Variants in PLD4 observed in about 807,000 individuals in gnomAD.
PLD4 encodes the protein 5'-3' exonuclease PLD4.
PLD4 carries 54 observed loss-of-function variants against 52.3 expected under a neutral mutation model. The ratio of observed to expected loss-of-function variants is 1.03; its 90% CI spans 0.83 to 1.30. PLD4 has a LOEUF of 1.30. Ranked by LOEUF, PLD4 falls within the 50% of genes most tolerant of loss-of-function variation. PLD4 has a pLI of 0.00. For missense variants in PLD4, 731 were observed against 671.1 expected, an observed-to-expected ratio of 1.09 and a Z score of -0.99; for synonymous variants, 264 against 286.5, an observed-to-expected ratio of 0.92 and a Z score of 0.79.
downstream of PLD4, chr14:104,933,282 T>G (rs1897721423): frequency 3.0e-5 from 8 of 269,966 alleles, no homozygotes; most frequent in East Asian, 6.4e-5. Context: ...TTCATCCTCT[T>G]GCCAAGGGCC....
rs1401920409 is a variant in PLD4 at position 104,927,206 on chromosome 14, C to T, written c.66C>T (p.Arg22=). Residue 22 remains arginine, a synonymous_variant, in exon 2 of 11, where the codon CGC becomes CGT. Transcript: ENST00000392593. ...PTWPCSMPPR[R]PWDREAGTLQ... ...GGCCATGCTCCATGCCGCCCCGCCG[C>T]CCGTGGGACAGAGAGGCTGGCACGG... 1.3e-6 allele frequency: 2 copies of T among 1,557,874 alleles called. No homozygotes were observed. Among genetic ancestry groups the T allele is most frequent in the African/African-American group, 2.7e-5 (2 of 73,468 alleles).
intron 3 of PLD4, 142 bp from the exon 4 acceptor site, chr14:104,928,607 A>T (rs1897533548): frequency 1.2e-6 from 1 of 805,204 alleles, no homozygotes; most frequent in Non-Finnish European, 1.9e-6. Context: ...TTAAACCCTT[A>T]CCCTGCACAC....
At chr14:104,934,369 C>T (rs946205815), downstream of PLD4, 4 of 152,182 alleles carry the variant, frequency 2.6e-5, no homozygotes, top group Non-Finnish European at 5.9e-5. Context: ...TGGGAGCCAC[C>T]TGGGCACCTG....
In PLD4 at chr14:104,927,185, A is replaced by G; in HGVS notation, c.45A>G (p.Pro15=). ...AAGCAGCAGTGGCCCCCACATGGCCATGCTCCATGCCGCCCCGCCGCCCGT... is the reference window on the plus strand; with the variant it reads ...AAGCAGCAGTGGCCCCCACATGGCCGTGCTCCATGCCGCCCCGCCGCCCGT... ...LWKAAVAPTW[P]CSMPPRRPWD... Residue 15 remains proline, a synonymous_variant, in exon 2 of 11, where the codon CCA becomes CCG. Transcript: ENST00000392593. 1 of 1,562,690 alleles carries G rather than the reference A, an allele frequency of 6.4e-7. No homozygotes were observed.
rs765388718 is a variant in PLD4, at chr14:104,932,202, G to A, written c.1224+25G>A. On this transcript the variant is annotated intron_variant, in intron 9 of 10. Transcript: ENST00000392593. The surrounding 1 kb of genome is among the most constrained non-coding windows in gnomAD (Gnocchi z 6.5). ...GGTGAGGGCGTGCTCCCGGCCGGGC[G>A]TGGGAAAGGCGGCCCTCCTGCCGCC... 1.2e-6 allele frequency: 2 copies of A among 1,611,976 alleles called. No homozygotes were observed. The highest frequency in any genetic ancestry group is 1.3e-5 in the African/African-American group (1 of 74,918).
At chr14:104,927,115 T>C in intron 1 of PLD4, 26 bp from the exon 2 acceptor site, 1 of 1,526,650 alleles carries the variant, frequency 6.6e-7, no homozygotes. Flanking sequence ...CTGGAGCTGC[T>C]GGTGATGCCA....
Position 104,933,019 on chromosome 14 carries a change from C to G in PLD4, c.*55C>G. ...GCCCCGCACGCGCCCTCCCCTCTGACCCCGGCCTGGGCTTCAGCCGCTTCC... is the reference window on the plus strand; with the variant it reads ...GCCCCGCACGCGCCCTCCCCTCTGAGCCCGGCCTGGGCTTCAGCCGCTTCC... On this transcript the variant is annotated 3_prime_UTR_variant, in exon 11 of 11. Coordinates refer to ENST00000392593, the MANE Select transcript of PLD4 (RefSeq NM_138790.5). 1 of 1,485,634 alleles carries G rather than the reference C, an allele frequency of 6.7e-7. No homozygotes were observed. Among genetic ancestry groups the G allele is most frequent in the Non-Finnish European group, 9.0e-7 (1 of 1,117,158 alleles). 92.0% of individuals were successfully genotyped at this position (1,485,634 alleles called of 1,614,324 possible).
At chr14:104,929,502 AGGAAAAGAAGTGAGGGTG>A in intron 5 of PLD4, 75 bp downstream of exon 5, 4 of 1,471,146 alleles carry the variant, frequency 2.7e-6, no homozygotes, top group Non-Finnish European at 3.6e-6. Context: ...CCACAGGACA[AGGAAAAGAAGTGAGGGTG>A]GGAAAGGTGC....
At chr14:104,934,044 G>A (rs1175156606), downstream of PLD4, 1 of 143,136 alleles carries the variant, frequency 7.0e-6, no homozygotes, top group Non-Finnish European at 1.5e-5. Flanking sequence ...CGCGGCTGAG[G>A]GGACGGGGAG....
In PLD4 at chr14:104,932,081, G is replaced by A. The variant is rs1897668894; in HGVS notation, c.1128G>A (p.Leu376=). The A allele has an allele frequency of 6.2e-7, 1 of 1,609,774 alleles. No homozygotes were observed. Among genetic ancestry groups the A allele is most frequent in the Non-Finnish European group, 8.5e-7 (1 of 1,179,060 alleles). ...AFGKGVRVRL[L]VGCGLNTDPT... ...GCAAGGGCGTGCGCGTGCGCCTGCT[G>A]GTCGGCTGCGGACTCAACACGGACC... Residue 376 remains leucine, a synonymous_variant, in exon 9 of 11, where the codon CTG becomes CTA. Transcript: ENST00000392593. This position sits in a 1 kb window ranked among gnomAD's most constrained non-coding sequence, Gnocchi z 6.5.
chr14:104,927,972 C>A, intron 3 of PLD4, 106 bp downstream of exon 3: 1 of 1,285,956 alleles, frequency 7.8e-7, no homozygotes, highest in Non-Finnish European at 1.0e-6. Flanking sequence ...CCTCTACCAG[C>A]TCCTCCAGGA....
Position 104,932,295 on chromosome 14 carries a change from A to C in PLD4, c.1261A>C (p.Ile421Leu). 1 of 1,612,656 alleles carries C rather than the reference A, an allele frequency of 6.2e-7. No individual in the cohort carries two copies. Among genetic ancestry groups the C allele is most frequent in the Non-Finnish European group, 8.5e-7 (1 of 1,179,828 alleles). Residue 421 changes from isoleucine to leucine, a missense_variant, in exon 10 of 11, where the codon ATC (isoleucine) becomes CTC (leucine). Transcript: ENST00000392593. The surrounding 1 kb of genome is among the most constrained non-coding windows in gnomAD (Gnocchi z 6.5). Reference sequence around the variant, plus strand: ...CGTGCCGGTGGGGAACCATTCCAACATCCCATTCAGCAGGGTGAACCACAG... The same window carrying C: ...CGTGCCGGTGGGGAACCATTCCAACCTCCCATTCAGCAGGGTGAACCACAG... Reference protein sequence around the residue: ...FIVPVGNHSNIPFSRVNHSKF... With the variant: ...FIVPVGNHSNLPFSRVNHSKF...
At chr14:104,927,638 C>T (rs1324372077) in intron 2 of PLD4, 35 bp from the exon 3 acceptor site, 12 of 1,517,642 alleles carry the variant, frequency 7.9e-6, no homozygotes, top group Non-Finnish European at 9.7e-6. Context: ...AAGCCCCGCC[C>T]TGTCTGGTGA....
Position 104,927,223 on chromosome 14 carries a change from C to T in PLD4, c.83C>T (p.Ala28Val), listed in dbSNP as rs1240145793. 1 of 1,548,244 alleles carries T rather than the reference C, an allele frequency of 6.5e-7. No homozygotes were observed. The highest frequency in any genetic ancestry group is 2.4e-5 in the East Asian group (1 of 41,284). Reference protein sequence around the residue: ...MPPRRPWDREAGTLQVLGALA... With the variant: ...MPPRRPWDREVGTLQVLGALA... The stretch of plus-strand genomic sequence containing the variant: ...CCCCGCCGCCCGTGGGACAGAGAGG[C>T]TGGCACGGTAGGACTGGGGGGCCCC... Residue 28 changes from alanine to valine, a missense_variant, in exon 2 of 11, where the codon GCT becomes GTT. Coordinates refer to ENST00000392593, the MANE Select transcript of PLD4 (RefSeq NM_138790.5).
At position 104,927,153 on chromosome 14, in the gene PLD4, C is replaced by G. The variant is rs1432548158; in HGVS notation, c.13C>G (p.Leu5Val). 1 of 1,558,100 alleles carries G rather than the reference C, an allele frequency of 6.4e-7. No individual in the cohort carries two copies. The highest frequency in any genetic ancestry group is 1.4e-5 in the African/African-American group (1 of 73,672). Residue 5 changes from leucine to valine, a missense_variant, in exon 2 of 11, where the codon CTT becomes GTT. Coordinates refer to ENST00000392593, the MANE Select transcript of PLD4 (RefSeq NM_138790.5). The stretch of plus-strand genomic sequence containing the variant: ...CTGCCCTGTGCAGATGCTGAAGCCT[C>G]TTTGGAAAGCAGCAGTGGCCCCCAC... Reference protein sequence around the residue: MLKPLWKAAVAPTWP... With the variant: MLKPVWKAAVAPTWP...
Position 104,932,851 on chromosome 14 carries a change from G to T in PLD4, c.1408G>T (p.Gly470Trp). The change falls in exon 11 of 11, where the codon GGG (glycine) becomes TGG (tryptophan). Residue 470 changes from glycine to tryptophan, a missense_variant. By Grantham distance (184) the Gly-to-Trp change is radical (BLOSUM62 -2). Transcript: ENST00000392593. This position sits in a 1 kb window ranked among gnomAD's most constrained non-coding sequence, Gnocchi z 6.5. ...VTQSPGAQPA[G>W]ATVQEQLRQL... ...CCAGAGCCCTGGCGCGCAGCCCGCGGGGGCCACGGTGCAGGAGCAGCTGCG... is the reference window on the plus strand; with the variant it reads ...CCAGAGCCCTGGCGCGCAGCCCGCGTGGGCCACGGTGCAGGAGCAGCTGCG... 1 of 1,605,036 alleles carries T rather than the reference G, an allele frequency of 6.2e-7. No individual in the cohort carries two copies. Among genetic ancestry groups the T allele is most frequent in the Non-Finnish European group, 8.5e-7 (1 of 1,176,490 alleles).
chr14:104,926,076 G>A (rs953735934), intron 1 of PLD4, among the ~76,000 whole-genome samples: 3 of 152,148 alleles, frequency 2.0e-5, no homozygotes, highest in African/African-American at 7.2e-5. Flanking sequence ...AGGCCTGGAG[G>A]CTGAGCTGGC....
At chr14:104,929,045 G>A (rs1180412768) in intron 4 of PLD4, 113 bp downstream of exon 4, 2 of 1,358,758 alleles carry the variant, frequency 1.5e-6, no homozygotes, top group Admixed American at 2.5e-5. Context: ...TTGGTGGTAG[G>A]GTCTAGCATG....
intron 2 of PLD4, 118 bp downstream of exon 2, chr14:104,927,348 G>C: frequency 2.1e-6 from 2 of 932,580 alleles, no homozygotes; most frequent in Admixed American, 2.9e-5. Flanking sequence ...GAGGTGCCCT[G>C]ACTGGTGGGC....
Sources: gnomAD v4.1 joint callset for allele counts (sites outside exome capture counted in the v4.1 genomes callset) on GRCh38, gnomAD v4.1.1 for gene constraint, Gnocchi (gnomAD v3.1) non-coding constraint, MANE v1.5 for transcripts, NCBI Gene and HGNC (gene_info 2026-07-23, HGNC 2026-07-21) for gene names.